The following ABHD6 variants were observed in gnomAD, a reference collection of about 807,000 sequenced individuals.
The protein encoded by ABHD6 is abhydrolase domain containing 6, acylglycerol lipase, also known as monoacylglycerol lipase ABHD6.
ABHD6 carries 33 observed loss-of-function variants against 38.8 expected under a neutral mutation model. The ratio of observed to expected loss-of-function variants is 0.85; its 90% CI spans 0.64 to 1.14. The LOEUF is 1.14. Among genes scored for constraint, ABHD6 ranks in the 50% most tolerant of loss-of-function variants. ABHD6 has a pLI of 0.00. For missense variants in ABHD6, 380 were observed against 422.6 expected, an observed-to-expected ratio of 0.90 and a Z score of 0.88; for synonymous variants, 147 against 161.6, an observed-to-expected ratio of 0.91 and a Z score of 0.69.
At position 58,286,852 on chromosome 3, in the gene ABHD6, G is replaced by GTATATATATATATA. The variant is rs1235603195; in HGVS notation, c.837+1403_837+1416dup. On this transcript the variant is annotated intron_variant, in intron 9 of 9. Transcript: ENST00000478253. The stretch of plus-strand genomic sequence containing the variant: ...TGTGTGTGTGTGTGTGTGTGTGTGT[G>GTATATATATATATA]TATATATATATATATATGTATATGT... Among the ~76,000 whole-genome samples the GTATATATATATATA allele has an allele frequency of 3.5e-4, 25 of 70,634 alleles. 1 individual carries two copies. Among genetic ancestry groups the GTATATATATATATA allele is most frequent in the Admixed American group, 8.7e-4 (5 of 5,778 alleles). 46.3% of individuals were successfully genotyped at this position (70,634 alleles called of 152,430 possible).
rs1200934392 is a variant in ABHD6 at position 58,265,506 on chromosome 3, T to C, written c.120-1683T>C. Reference sequence around the variant, plus strand: ...CATAATACTAATAACTATCATGTACTGAATACTTACCATTTGCTGGGCATT... The same window carrying C: ...CATAATACTAATAACTATCATGTACCGAATACTTACCATTTGCTGGGCATT... On this transcript the variant is annotated intron_variant, in intron 3 of 9. Coordinates refer to ENST00000478253, the MANE Select transcript of ABHD6 (RefSeq NM_001320126.2). This position sits in a 1 kb window ranked among gnomAD's most constrained non-coding sequence, Gnocchi z 4.2. Among the ~76,000 whole-genome samples the C allele has an allele frequency of 1.3e-5, 2 of 152,250 alleles. No homozygotes were observed. Among genetic ancestry groups the C allele is most frequent in the Non-Finnish European group, 2.9e-5 (2 of 68,040 alleles).
chr3:58,253,054 A>C (rs1054864302), intron 2 of ABHD6, among the ~76,000 whole-genome samples: 4 of 152,222 alleles, frequency 2.6e-5, no homozygotes, highest in African/African-American at 7.2e-5. Flanking sequence ...ATCATGTTCT[A>C]CAAAAGCTGC....
intron 3 of ABHD6, among the ~76,000 whole-genome samples, chr3:58,261,668 G>A (rs1052697079): frequency 6.6e-6 from 1 of 152,062 alleles, no homozygotes; most frequent in African/African-American, 2.4e-5. Context: ...TTTTTATTGT[G>A]GTAAAATATA....
intron 2 of ABHD6, among the ~76,000 whole-genome samples, chr3:58,253,821 A>G (rs2097431511): frequency 6.6e-6 from 1 of 152,220 alleles, no homozygotes; most frequent in Non-Finnish European, 1.5e-5. Flanking sequence ...TCAGAGACAA[A>G]GACAGTGCTT....
rs1272043844 is a variant in ABHD6, at chr3:58,238,502, G to C, written c.-91+586G>C. On this transcript the variant is annotated intron_variant, in intron 1 of 9. Coordinates refer to ENST00000478253, the MANE Select transcript of ABHD6 (RefSeq NM_001320126.2). This position sits in a 1 kb window ranked among gnomAD's most constrained non-coding sequence, Gnocchi z 6.9. ...AACACTTGAATCAGGATGCTGTCCA[G>C]CCAGGTACCCGCCGGCAACTTGCGG... 1 of 152,418 alleles carries C rather than the reference G, an allele frequency of 6.6e-6. No individual in the cohort carries two copies. The highest frequency in any genetic ancestry group is 6.5e-5 in the Admixed American group (1 of 15,280). 9.4% of individuals were successfully genotyped at this position (152,418 alleles called of 1,614,324 possible).
intron 9 of ABHD6, among the ~76,000 whole-genome samples, chr3:58,291,600 G>A (rs9854438): frequency 0.093 from 14,109 of 152,116 alleles, 777 homozygotes; most frequent in African/African-American, 0.13. Flanking sequence ...TTCTATCTAG[G>A]AAATCGCTGA....
At chr3:58,244,799 C>G (rs1328383612) in intron 1 of ABHD6, among the ~76,000 whole-genome samples, 1 of 151,950 alleles carries the variant, frequency 6.6e-6, no homozygotes, top group Admixed American at 6.6e-5. Context: ...TAATTGTAAC[C>G]TAAATTTTGC....
At chr3:58,275,181 G>A (rs1173638820) in intron 7 of ABHD6, among the ~76,000 whole-genome samples, 1 of 151,930 alleles carries the variant, frequency 6.6e-6, no homozygotes, top group African/African-American at 2.4e-5. Flanking sequence ...ATGCAGAGGT[G>A]GAAAAACATA....
At position 58,293,573 on chromosome 3, in the gene ABHD6, C is replaced by G. The variant is rs913119943; in HGVS notation, c.838-16C>G. 1.9e-6 allele frequency: 3 copies of G among 1,613,122 alleles called. No individual in the cohort carries two copies. The African/African-American group carries it at 4.0e-5, about 22-fold the overall frequency. On this transcript the variant is annotated splice_polypyrimidine_tract_variant and intron_variant, in intron 9 of 9. Coordinates refer to ENST00000478253, the MANE Select transcript of ABHD6 (RefSeq NM_001320126.2). This position sits in a 1 kb window ranked among gnomAD's most constrained non-coding sequence, Gnocchi z 4.4. ...GAATCTTTGTGTATCATCCAGCTCC[C>G]TTTCTTGCCCAGCAGGTGCTGGATG...
Position 58,269,332 on chromosome 3 carries a change from G to T in ABHD6, c.288G>T (p.Lys96Asn). The T allele has an allele frequency of 6.2e-7, 1 of 1,613,700 alleles. No homozygotes were observed. The highest frequency in any genetic ancestry group is 1.1e-5 in the South Asian group (1 of 91,050). ...MWLSVVKFLP[K>N]NLHLVCVDMP... is the part of the protein sequence containing the mutation. ...CTGTGTGTCCTCAGTTCCTTCCAAA[G>T]AACCTGCACTTGGTCTGCGTGGACA... The change falls in exon 5 of 10, where the codon AAG becomes AAT. Residue 96 changes from lysine (K) to asparagine (N), a missense_variant. Lys to Asn is a moderately conservative substitution (Grantham distance 94). Transcript: ENST00000478253. This position sits in a 1 kb window ranked among gnomAD's most constrained non-coding sequence, Gnocchi z 4.4.
At chr3:58,283,874 A>T (rs1044731021) in intron 7 of ABHD6, among the ~76,000 whole-genome samples, 1 of 152,340 alleles carries the variant, frequency 6.6e-6, no homozygotes, top group East Asian at 1.9e-4. Flanking sequence ...TCTGATGCTG[A>T]GCACAATGTT....
At chr3:58,276,169 T>C (rs1252736726) in intron 7 of ABHD6, among the ~76,000 whole-genome samples, 1 of 152,210 alleles carries the variant, frequency 6.6e-6, no homozygotes. Context: ...TTTCTAGTTC[T>C]AGATCCTTGA....
intron 7 of ABHD6, among the ~76,000 whole-genome samples, chr3:58,284,024 G>T (rs3773010): frequency 0.3 from 45,057 of 152,094 alleles, 6,843 homozygotes; most frequent in African/African-American, 0.36. Context: ...ACTCCTGAGA[G>T]AGTGTAATTA....
In ABHD6 at chr3:58,269,472, C is replaced by G; in HGVS notation, c.390+38C>G. 6.7e-7 allele frequency: 1 copy of G among 1,497,148 alleles called. No homozygotes were observed. Among genetic ancestry groups the G allele is most frequent in the Non-Finnish European group, 9.3e-7 (1 of 1,077,914 alleles). 92.7% of individuals were successfully genotyped at this position (1,497,148 alleles called of 1,614,324 possible). A position where few individuals can be genotyped will look rare whatever the true frequency, so the allele number is the denominator to read the frequency against. On this transcript the variant is annotated intron_variant, in intron 5 of 9. Coordinates refer to ENST00000478253, the MANE Select transcript of ABHD6 (RefSeq NM_001320126.2). This position sits in a 1 kb window ranked among gnomAD's most constrained non-coding sequence, Gnocchi z 4.4. ...CTCTACCAAAGATTGCCCAGACTGT[C>G]TCAGCCACCATTACATGTCTGAGTC... is the stretch of plus-strand genomic sequence containing the variant.
intron 7 of ABHD6, among the ~76,000 whole-genome samples, chr3:58,276,325 G>A (rs1482706425): frequency 1.3e-5 from 2 of 152,140 alleles, no homozygotes; most frequent in Non-Finnish European, 2.9e-5. Context: ...GTGTGAGATG[G>A]TATCTTATTG....
chr3:58,271,778 T>G lies in ABHD6; in HGVS notation c.523+714T>G, dbSNP rs989231721. On this transcript the variant is annotated intron_variant, in intron 6 of 9. Coordinates refer to ENST00000478253, the MANE Select transcript of ABHD6 (RefSeq NM_001320126.2). ...TCCCCCTCTCTCTGTTTTTTTTTTT[T>G]TTTTTTTTTTTTGAGACAGTCTGTT... is the stretch of plus-strand genomic sequence containing the variant. Among the ~76,000 whole-genome samples the G allele has an allele frequency of 8.7e-5, 12 of 137,242 alleles. 1 individual carries two copies. The highest frequency in any genetic ancestry group is 2.4e-4 in the African/African-American group (9 of 36,736). The allele number at this position is 137,242 out of a possible 152,430, so 90.0% of individuals were successfully genotyped here. A position where few individuals can be genotyped will look rare whatever the true frequency, so the allele number is the denominator to read the frequency against.
intron 2 of ABHD6, among the ~76,000 whole-genome samples, chr3:58,254,295 C>T (rs2097431775): frequency 6.6e-6 from 1 of 152,214 alleles, no homozygotes; most frequent in South Asian, 2.1e-4. Flanking sequence ...TGGCAAATTA[C>T]AGCCTACAGG....
intron 1 of ABHD6, among the ~76,000 whole-genome samples, chr3:58,242,137 C>G (rs182609867): frequency 6.6e-6 from 1 of 151,844 alleles, no homozygotes; most frequent in African/African-American, 2.4e-5. Flanking sequence ...GTCAAAGTCC[C>G]GGAGGTGTGG....
rs1273862669 is a variant in ABHD6, at chr3:58,245,132, G to C, written c.-90-4746G>C. 2.0e-5 allele frequency among the ~76,000 whole-genome samples: 3 copies of C among 152,154 alleles called. No homozygotes were observed. The East Asian group carries it at 5.8e-4, about 29-fold the overall frequency. ...GTTTAACATCAACTTTGTTCCTGCAGTTGGAAAGTACTGTAGACCAACTTC... is the reference window on the plus strand; with the variant it reads ...GTTTAACATCAACTTTGTTCCTGCACTTGGAAAGTACTGTAGACCAACTTC... On this transcript the variant is annotated intron_variant, in intron 1 of 9. Transcript: ENST00000478253.
Sources: allele counts gnomAD v4.1 joint callset (sites outside exome capture counted in the v4.1 genomes callset), GRCh38; gene constraint gnomAD v4.1.1; non-coding constraint Gnocchi (gnomAD v3.1); transcripts MANE v1.5; gene names NCBI Gene and HGNC (gene_info 2026-07-23, HGNC 2026-07-21).